Variants in YEATS2 observed in about 807,000 individuals in gnomAD.
YEATS2 encodes the protein YEATS domain containing 2, also known as YEATS domain-containing protein 2.
YEATS2 carries 77 observed loss-of-function variants against 163.2 expected under a neutral mutation model. The observed-to-expected ratio is 0.47, with a 90% CI of 0.39 to 0.57. The LOEUF (loss-of-function observed/expected upper bound fraction) is 0.57, where lower values mean the gene tolerates loss of function less well. YEATS2 is among the 20% of genes least tolerant of loss of function. YEATS2 has a pLI of 0.00. For missense variants in YEATS2, 1,549 were observed against 1,729.8 expected (o/e 0.90, Z 1.85); for synonymous variants, 631 against 645.1 (o/e 0.98, Z 0.33).
intron 20 of YEATS2, among the ~76,000 whole-genome samples, chr3:183,787,772 C>T (rs1037094352): frequency 2.0e-5 from 3 of 151,702 alleles, no homozygotes; most frequent in Admixed American, 6.6e-5. Context: ...CCGAGAAGGG[C>T]GGATCACGAG....
chr3:183,729,259 G>A (rs113649940), intron 7 of YEATS2, among the ~76,000 whole-genome samples: 36,423 of 149,572 alleles, frequency 0.24, 5,479 homozygotes, highest in East Asian at 0.42. Context: ...GCGACAGAGC[G>A]AGACTCTGTC....
intron 27 of YEATS2, among the ~76,000 whole-genome samples, chr3:183,804,814 C>T (rs1438163063): frequency 6.6e-6 from 1 of 151,786 alleles, no homozygotes; most frequent in Non-Finnish European, 1.5e-5. Flanking sequence ...ACTGAAACCC[C>T]ATCTCTACTA....
chr3:183,698,802 T>A (rs1259868924), intron 1 of YEATS2, among the ~76,000 whole-genome samples: 1 of 152,140 alleles, frequency 6.6e-6, no homozygotes, highest in Non-Finnish European at 1.5e-5. Context: ...TTCAGCAATA[T>A]CATTTCCCCT....
intron 7 of YEATS2, among the ~76,000 whole-genome samples, chr3:183,732,255 C>T (rs1322501105): frequency 6.6e-6 from 1 of 151,686 alleles, no homozygotes; most frequent in East Asian, 2.0e-4. Flanking sequence ...TTGAGACCAG[C>T]CTTGCCAACA....
At position 183,806,850 on chromosome 3, in the gene YEATS2, C is replaced by T. The variant is rs765724130; in HGVS notation, c.3785-16C>T. ...TGGCCCCACAGCTGTTGTAACACTG[C>T]TTGCCTGTCATTTAGAGTGCCCATC... is the stretch of plus-strand genomic sequence containing the variant. On this transcript the variant is annotated splice_polypyrimidine_tract_variant and intron_variant, in intron 27 of 30. Transcript: ENST00000305135. The T allele has an allele frequency of 3.1e-6, 5 of 1,613,720 alleles. No individual in the cohort carries two copies. The South Asian group carries it at 4.4e-5, about 14-fold the overall frequency.
In YEATS2 at chr3:183,738,857, A is replaced by T. The variant is rs199744866; in HGVS notation, c.924+2028A>T. Among the ~76,000 whole-genome samples, 143 of 138,342 alleles carry T rather than the reference A, an allele frequency of 1.0e-3. 1 individual carries two copies. In the East Asian group the frequency reaches 0.027, roughly 26 times the overall value. 90.8% of individuals were successfully genotyped at this position (138,342 alleles called of 152,430 possible). A position where few individuals can be genotyped will look rare whatever the true frequency, so the allele number is the denominator to read the frequency against. ...TTGCTATTGTGAATAATGCCGCAAT[A>T]AACATACGTGTGCATGTGTCTTTAT... On this transcript the variant is annotated intron_variant, in intron 8 of 30. Coordinates refer to ENST00000305135, the MANE Select transcript of YEATS2 (RefSeq NM_018023.5).
chr3:183,765,222 A>G (rs553203601), intron 15 of YEATS2, among the ~76,000 whole-genome samples: 1 of 152,326 alleles, frequency 6.6e-6, no homozygotes, highest in East Asian at 1.9e-4. Flanking sequence ...ATGTACCTCA[A>G]AATCTGTTTT....
intron 8 of YEATS2, among the ~76,000 whole-genome samples, chr3:183,738,733 C>T (rs1266899127): frequency 3.9e-5 from 5 of 128,330 alleles, no homozygotes; most frequent in African/African-American, 1.5e-4. Flanking sequence ...GATATGAACT[C>T]ATCATTTTTT....
intron 1 of YEATS2, among the ~76,000 whole-genome samples, chr3:183,707,739 A>T (rs1413895458): frequency 7.2e-6 from 1 of 139,152 alleles, no homozygotes; most frequent in Non-Finnish European, 1.5e-5. Flanking sequence ...GCTGGAGTGC[A>T]GTGGCGCAAT....
At chr3:183,773,601 A>G in intron 16 of YEATS2, 32 bp from the exon 17 acceptor site, 1 of 1,558,382 alleles carries the variant, frequency 6.4e-7, no homozygotes, top group Non-Finnish European at 8.6e-7. Context: ...GTTTCAATTT[A>G]TCTTACAATT....
At chr3:183,712,227 T>TATGTTATTTTATTTTATGTTATTTTA (rs1715342537) in intron 1 of YEATS2, among the ~76,000 whole-genome samples, 1 of 55,244 alleles carries the variant, frequency 1.8e-5, no homozygotes, top group African/African-American at 2.1e-4. Context: ...ATTTTATTTT[T>TATGTTATTTTATTTTATGTTATTTTA]TGAGACAGAG....
rs1365294289 is a variant in YEATS2 at position 183,724,546 on chromosome 3, G to C, written c.650+15G>C. 3 of 1,562,198 alleles carry C rather than the reference G, an allele frequency of 1.9e-6. No individual in the cohort carries two copies. The highest frequency in any genetic ancestry group is 2.7e-5 in the African/African-American group (2 of 73,292). ...AATGTGTCCAAGTGAGTATCCAGTT[G>C]AATTTATTTTTATTTGTCCATTTGT... On this transcript the variant is annotated intron_variant, in intron 6 of 30. Transcript: ENST00000305135.
intron 9 of YEATS2, among the ~76,000 whole-genome samples, chr3:183,750,876 T>G (rs1053247252): frequency 6.6e-6 from 1 of 152,220 alleles, no homozygotes; most frequent in African/African-American, 2.4e-5. Flanking sequence ...TTGCAAATAT[T>G]TACTTCCATT....
intron 1 of YEATS2, 48 bp downstream of exon 1, chr3:183,698,041 C>T (rs971992275): frequency 2.6e-5 from 4 of 152,130 alleles, no homozygotes; most frequent in African/African-American, 9.6e-5. Context: ...GCGCGCCCCG[C>T]TCTCCGGGGC....
In YEATS2 at chr3:183,810,395, C is replaced by G. The variant is rs1036413045; in HGVS notation, c.4161-80C>G. ...ACGGGGCCTCTGCCTGGGATGGTCC[C>G]TGTGATGAGTTAAGTGAATAAATGA... is the stretch of plus-strand genomic sequence containing the variant. On this transcript the variant is annotated intron_variant, in intron 30 of 30. Transcript: ENST00000305135. 5 of 1,320,114 alleles carry G rather than the reference C, an allele frequency of 3.8e-6. No individual in the cohort carries two copies. The Admixed American group carries it at 5.7e-5, about 15-fold the overall frequency. The allele number at this position is 1,320,114 out of a possible 1,614,324, so 81.8% of individuals were successfully genotyped here. A position where few individuals can be genotyped will look rare whatever the true frequency, so the allele number is the denominator to read the frequency against.
intron 11 of YEATS2, among the ~76,000 whole-genome samples, chr3:183,755,694 A>AG (rs1227903440): frequency 1.4e-5 from 2 of 147,554 alleles, no homozygotes; most frequent in Non-Finnish European, 3.0e-5. Flanking sequence ...ACAAGACACC[A>AG]GGTTCTTAAA....
chr3:183,715,082 T>G, intron 1 of YEATS2, 62 bp from the exon 2 acceptor site: 1 of 968,926 alleles, frequency 1.0e-6, no homozygotes, highest in Non-Finnish European at 1.6e-6. Context: ...GTATGCAGTG[T>G]TACTACAACC....
intron 1 of YEATS2, among the ~76,000 whole-genome samples, chr3:183,700,834 C>T (rs1714002306): frequency 6.8e-6 from 1 of 146,994 alleles, no homozygotes; most frequent in South Asian, 2.1e-4. Context: ...TCTATTTATA[C>T]GAAATGTCCA....
At chr3:183,718,434 G>T in intron 3 of YEATS2, 66 bp from the exon 4 acceptor site, 3 of 1,155,712 alleles carry the variant, frequency 2.6e-6, no homozygotes, top group South Asian at 1.6e-5. Flanking sequence ...CTTATTTTGT[G>T]AATTGTTTGT....
Sources: allele counts gnomAD v4.1 joint callset (sites outside exome capture counted in the v4.1 genomes callset), GRCh38; gene constraint gnomAD v4.1.1; transcripts MANE v1.5; gene names NCBI Gene and HGNC (gene_info 2026-07-23, HGNC 2026-07-21).